The following KCNG3 variants were observed in gnomAD, a reference collection of about 807,000 sequenced individuals.
KCNG3 encodes the protein potassium voltage-gated channel modifier subfamily G member 3.
Under a neutral mutation model 29.0 loss-of-function variants are expected in KCNG3, and 15 were observed. That is an observed-to-expected ratio of 0.52 (90% CI 0.35 to 0.80). The LOEUF is 0.80. Ranked by LOEUF, KCNG3 falls within the 30% of genes least tolerant of loss-of-function variation. The pLI is 0.01. For synonymous variants in KCNG3, 322 were observed against 248.9 expected (o/e 1.29, Z -2.76); for missense variants, 512 against 605.7 (o/e 0.85, Z 1.62).
At chr2:42,428,472 A>AAG in the KCNG3 span, among the ~76,000 whole-genome samples, 6 of 149,472 alleles carry the variant, frequency 4.0e-5, no homozygotes, top group African/African-American at 1.2e-4. Flanking sequence ...AAAAAAAAAA[A>AAG]AAAAAAGAAA....
At chr2:42,433,518 C>A in the KCNG3 span, among the ~76,000 whole-genome samples, 2 of 152,138 alleles carry the variant, frequency 1.3e-5, no homozygotes, top group Non-Finnish European at 2.9e-5. Flanking sequence ...GGGGGCATAT[C>A]ACTTGAGGTC....
intron 1 of KCNG3, among the ~76,000 whole-genome samples, chr2:42,449,988 C>G (rs1434754193): frequency 6.6e-6 from 1 of 152,168 alleles, no homozygotes; most frequent in East Asian, 1.9e-4. Flanking sequence ...TCTTTCCATT[C>G]TGAAGGACAA....
At chr2:42,477,978 G>T (rs1245112514) in intron 1 of KCNG3, among the ~76,000 whole-genome samples, 2 of 152,070 alleles carry the variant, frequency 1.3e-5, no homozygotes, top group African/African-American at 4.8e-5. Context: ...CTGGATGAGT[G>T]AGAGGAGTGT....
At chr2:42,396,626 G>C in the KCNG3 span, among the ~76,000 whole-genome samples, 1 of 152,146 alleles carries the variant, frequency 6.6e-6, no homozygotes, top group African/African-American at 2.4e-5. Context: ...ACCAGTTCAA[G>C]ACCCCTGGGA....
chr2:42,491,396 A>C (rs1391452498), intron 1 of KCNG3, among the ~76,000 whole-genome samples: 1 of 152,144 alleles, frequency 6.6e-6, no homozygotes, highest in Admixed American at 6.5e-5. Flanking sequence ...TAATAATTCA[A>C]TTCTCCTGTT....
chr2:42,461,847 A>C (rs1351636688), intron 1 of KCNG3, among the ~76,000 whole-genome samples: 2 of 152,202 alleles, frequency 1.3e-5, no homozygotes, highest in Non-Finnish European at 2.9e-5. Context: ...TCTTCAAACA[A>C]GATCACCTTA....
At chr2:42,465,554 G>C (rs191456585) in intron 1 of KCNG3, among the ~76,000 whole-genome samples, 15 of 152,226 alleles carry the variant, frequency 9.9e-5, no homozygotes, top group Non-Finnish European at 1.9e-4. Flanking sequence ...AGTAATGTTT[G>C]TGACTGAGCA....
intron 1 of KCNG3, among the ~76,000 whole-genome samples, chr2:42,466,890 T>C (rs1572853159): frequency 6.6e-6 from 1 of 151,700 alleles, no homozygotes; most frequent in Non-Finnish European, 1.5e-5. Context: ...GTAGCTGGGA[T>C]TACAGGCACT....
the KCNG3 span, among the ~76,000 whole-genome samples, chr2:42,408,157 G>A: frequency 6.6e-6 from 1 of 152,162 alleles, no homozygotes; most frequent in Admixed American, 6.5e-5. Context: ...GGGCAGCTCA[G>A]CACTGGCTTG....
chr2:42,409,641 T>C, the KCNG3 span, among the ~76,000 whole-genome samples: 2 of 142,634 alleles, frequency 1.4e-5, no homozygotes, highest in African/African-American at 2.6e-5. Context: ...GAGGCAGAGT[T>C]TGCAGTGAGC....
the KCNG3 span, among the ~76,000 whole-genome samples, chr2:42,416,098 G>A: frequency 6.6e-6 from 1 of 152,062 alleles, no homozygotes; most frequent in South Asian, 2.1e-4. Context: ...GGGATCAGCT[G>A]GGATTGGGAG....
intron 1 of KCNG3, 25 bp downstream of exon 1, chr2:42,492,812 C>G: frequency 6.9e-7 from 1 of 1,450,996 alleles, no homozygotes; most frequent in Non-Finnish European, 9.1e-7. Context: ...ACGGACGGGA[C>G]GGGTAGAGAA....
chr2:42,420,863 C>T, the KCNG3 span, among the ~76,000 whole-genome samples: 1 of 152,174 alleles, frequency 6.6e-6, no homozygotes, highest in African/African-American at 2.4e-5. Flanking sequence ...ACCTCTCCAA[C>T]AACCTATCAG....
At chr2:42,449,239 A>AT (rs1672685068) in intron 1 of KCNG3, among the ~76,000 whole-genome samples, 2 of 152,028 alleles carry the variant, frequency 1.3e-5, no homozygotes, top group East Asian at 1.9e-4. Flanking sequence ...CATAAATTTT[A>AT]TTTTTTTATT....
chr2:42,418,542 T>G, the KCNG3 span, among the ~76,000 whole-genome samples: 1 of 152,234 alleles, frequency 6.6e-6, no homozygotes, highest in Non-Finnish European at 1.5e-5. Flanking sequence ...TTAAATTTGT[T>G]GCAACAATTT....
At chr2:42,417,797 CCT>C in the KCNG3 span, among the ~76,000 whole-genome samples, 1 of 151,722 alleles carries the variant, frequency 6.6e-6, no homozygotes, top group East Asian at 1.9e-4. Context: ...ATGGTGAAAC[CCT>C]GTCTCTGCTA....
At chr2:42,446,033 T>A (rs1274604737) in intron 1 of KCNG3, among the ~76,000 whole-genome samples, 1 of 151,826 alleles carries the variant, frequency 6.6e-6, no homozygotes, top group Non-Finnish European at 1.5e-5. Flanking sequence ...AGCCAACGGG[T>A]AGGATTCTTG....
chr2:42,492,549 A>G (rs1673910264), intron 1 of KCNG3, among the ~76,000 whole-genome samples: 1 of 152,238 alleles, frequency 6.6e-6, no homozygotes, highest in South Asian at 2.1e-4. Context: ...GCAAAAGTAA[A>G]CTACAAAGAG....
At chr2:42,453,312 C>T (rs1341019014) in intron 1 of KCNG3, among the ~76,000 whole-genome samples, 1 of 152,130 alleles carries the variant, frequency 6.6e-6, no homozygotes, top group Non-Finnish European at 1.5e-5. Context: ...TTTACATTTC[C>T]ACTAACAGTG....
Sources: gnomAD v4.1 joint callset for allele counts (sites outside exome capture counted in the v4.1 genomes callset) on GRCh38, gnomAD v4.1.1 for gene constraint, MANE v1.5 for transcripts, NCBI Gene and HGNC (gene_info 2026-07-23, HGNC 2026-07-21) for gene names.